The following STK39 variants were observed in gnomAD, a reference collection of about 807,000 sequenced individuals.
The protein encoded by STK39 is serine/threonine kinase 39, also known as STE20/SPS1-related proline-alanine-rich protein kinase.
A neutral mutation model predicts 77.8 loss-of-function variants in STK39; 20 were observed. The observed-to-expected ratio is 0.26, with a 90% CI of 0.18 to 0.37. STK39 has a LOEUF of 0.37. Among genes scored for constraint, STK39 ranks in the 10% least tolerant of loss-of-function variants. The pLI is 1.00. For synonymous variants in STK39, 246 were observed against 234.1 expected, an observed-to-expected ratio of 1.05 and a Z score of -0.47; for missense variants, 479 against 656.5, an observed-to-expected ratio of 0.73 and a Z score of 2.95.
At chr2:167,995,105 C>G (rs2093859555) in intron 16 of STK39, among the ~76,000 whole-genome samples, 4 of 150,502 alleles carry the variant, frequency 2.7e-5, no homozygotes, top group Admixed American at 6.6e-5. Context: ...ATATATTTTT[C>G]TTTTGTTTTG....
intron 1 of STK39, among the ~76,000 whole-genome samples, chr2:168,223,315 G>C (rs185389490): frequency 1.3e-5 from 2 of 152,170 alleles, no homozygotes; most frequent in African/African-American, 4.8e-5. Context: ...TTCAAGACCA[G>C]CCTGGCCAAC....
intron 14 of STK39, among the ~76,000 whole-genome samples, chr2:168,058,052 T>C (rs1685571689): frequency 6.6e-6 from 1 of 152,212 alleles, no homozygotes; most frequent in South Asian, 2.1e-4. Context: ...ATATTCTCAT[T>C]GAGCTATCAC....
At chr2:168,235,869 G>C (rs1453459841) in intron 1 of STK39, among the ~76,000 whole-genome samples, 1 of 152,024 alleles carries the variant, frequency 6.6e-6, no homozygotes, top group South Asian at 2.1e-4. Context: ...GGACATCTGG[G>C]TTGGTTCCAA....
At chr2:168,125,031 G>A (rs955204887) in intron 10 of STK39, among the ~76,000 whole-genome samples, 3 of 152,044 alleles carry the variant, frequency 2.0e-5, no homozygotes, top group Non-Finnish European at 4.4e-5. Context: ...TAGATGATGG[G>A]TTGATGGGTG....
chr2:168,019,679 C>G (rs1684522761), intron 14 of STK39, among the ~76,000 whole-genome samples: 1 of 152,066 alleles, frequency 6.6e-6, no homozygotes, highest in Non-Finnish European at 1.5e-5. Context: ...GTTTAAATAG[C>G]TTAAACTTTC....
chr2:168,082,351 A>G (rs1686256543), intron 10 of STK39, among the ~76,000 whole-genome samples: 1 of 152,020 alleles, frequency 6.6e-6, no homozygotes, highest in Non-Finnish European at 1.5e-5. Flanking sequence ...ATAGTCTCCA[A>G]TTGTGGCCCT....
At chr2:168,209,886 C>A (rs781356283) in intron 1 of STK39, among the ~76,000 whole-genome samples, 1 of 151,602 alleles carries the variant, frequency 6.6e-6, no homozygotes, top group Non-Finnish European at 1.5e-5. Context: ...ATAATCCCAG[C>A]TATCCAGGAG....
intron 17 of STK39, among the ~76,000 whole-genome samples, chr2:167,959,643 G>C (rs1691888057): frequency 6.6e-6 from 1 of 152,164 alleles, no homozygotes; most frequent in African/African-American, 2.4e-5. Flanking sequence ...TATAATGAAG[G>C]AGGGATTCCC....
At chr2:168,148,907 C>T (rs776306517) in intron 5 of STK39, among the ~76,000 whole-genome samples, 3 of 152,178 alleles carry the variant, frequency 2.0e-5, no homozygotes, top group Non-Finnish European at 2.9e-5. Context: ...AATGTTAAGT[C>T]CCAATGACAC....
chr2:168,024,089 C>T (rs1405342802), intron 14 of STK39, among the ~76,000 whole-genome samples: 2 of 152,138 alleles, frequency 1.3e-5, no homozygotes, highest in Non-Finnish European at 2.9e-5. Flanking sequence ...TTGGTCAGGA[C>T]ATCATTTTTA....
chr2:168,210,967 C>CA (rs1285351264), intron 1 of STK39, among the ~76,000 whole-genome samples: 9 of 151,266 alleles, frequency 5.9e-5, no homozygotes, highest in Admixed American at 1.3e-4. Context: ...TGAAATAAGG[C>CA]AAAAAAAATG....
intron 14 of STK39, among the ~76,000 whole-genome samples, chr2:168,058,597 T>C (rs1313793483): frequency 1.3e-5 from 2 of 152,144 alleles, no homozygotes; most frequent in African/African-American, 2.4e-5. Flanking sequence ...CAAAACTGAG[T>C]TCTTTATTCC....
At chr2:168,034,987 G>A (rs1453768133) in intron 14 of STK39, among the ~76,000 whole-genome samples, 2 of 152,168 alleles carry the variant, frequency 1.3e-5, no homozygotes, top group Admixed American at 6.5e-5. Flanking sequence ...CCTGAACAGA[G>A]AAGTGAAAAG....
At chr2:168,209,263 A>T (rs954788755) in intron 1 of STK39, among the ~76,000 whole-genome samples, 1 of 152,218 alleles carries the variant, frequency 6.6e-6, no homozygotes, top group East Asian at 1.9e-4. Flanking sequence ...AGATTTTTTT[A>T]AAGTGATGGA....
At chr2:168,074,856 C>G in intron 12 of STK39, 126 bp downstream of exon 12, 2 of 1,110,966 alleles carry the variant, frequency 1.8e-6, no homozygotes, top group Admixed American at 5.3e-5. Flanking sequence ...GCTGCAAAGT[C>G]CTCGTGCCTT....
At chr2:168,089,569 T>G (rs1162921589) in intron 10 of STK39, among the ~76,000 whole-genome samples, 11 of 152,254 alleles carry the variant, frequency 7.2e-5, no homozygotes, top group Admixed American at 7.2e-4. Context: ...TATTTTCACC[T>G]GCATTTATTG....
At chr2:168,123,363 C>G (rs1365631924) in intron 10 of STK39, among the ~76,000 whole-genome samples, 1 of 152,082 alleles carries the variant, frequency 6.6e-6, no homozygotes, top group Non-Finnish European at 1.5e-5. Flanking sequence ...CATCGATGTT[C>G]TTTTCCTAAT....
chr2:168,082,656 C>T (rs886767502), intron 10 of STK39, among the ~76,000 whole-genome samples: 1 of 152,196 alleles, frequency 6.6e-6, no homozygotes, highest in African/African-American at 2.4e-5. Context: ...GCTCCCAGCC[C>T]AGTACACATT....
chr2:168,005,669 A>G (rs1237208329), intron 16 of STK39, among the ~76,000 whole-genome samples: 3 of 152,196 alleles, frequency 2.0e-5, no homozygotes, highest in Non-Finnish European at 4.4e-5. Flanking sequence ...GAAGACAAGC[A>G]CGCAGTAGTA....
Sources: gnomAD v4.1 joint callset for allele counts (sites outside exome capture counted in the v4.1 genomes callset) on GRCh38, gnomAD v4.1.1 for gene constraint, MANE v1.5 for transcripts, NCBI Gene and HGNC (gene_info 2026-07-23, HGNC 2026-07-21) for gene names.